Variants in MYO18B observed in about 807,000 individuals in gnomAD.
MYO18B encodes the protein unconventional myosin-XVIIIb.
MYO18B carries 204 observed loss-of-function variants against 273.0 expected under a neutral mutation model. That is an observed-to-expected ratio of 0.75 (90% CI 0.67 to 0.84). The LOEUF (loss-of-function observed/expected upper bound fraction) is 0.84. MYO18B is among the 40% of genes least tolerant of loss of function. The probability of loss-of-function intolerance (pLI) is 0.00; values close to 1 mark genes in which losing one functional copy is unlikely to be tolerated. For missense variants in MYO18B, 3,212 were observed against 3,287.6 expected, an observed-to-expected ratio of 0.98 and a Z score of 0.56; for synonymous variants, 1,330 against 1,305.7, an observed-to-expected ratio of 1.02 and a Z score of -0.40.
the MYO18B span, among the ~76,000 whole-genome samples, chr22:26,050,254 A>T: frequency 6.6e-6 from 1 of 152,192 alleles, no homozygotes; most frequent in African/African-American, 2.4e-5. Flanking sequence ...AGACTCACAG[A>T]TGCACTGACA....
intron 40 of MYO18B, among the ~76,000 whole-genome samples, chr22:25,992,982 G>A (rs2093285786): frequency 6.6e-6 from 1 of 152,194 alleles, no homozygotes; most frequent in South Asian, 2.1e-4. Context: ...CTATGTAAGT[G>A]GAAGCTATGT....
chr22:25,951,398 G>C (rs570813220), intron 37 of MYO18B, among the ~76,000 whole-genome samples: 1 of 150,066 alleles, frequency 6.7e-6, no homozygotes, highest in East Asian at 1.9e-4. Context: ...CCAGTCCTTA[G>C]ACAGACACAT....
rs561508989 is a variant in MYO18B at position 26,010,344 on chromosome 22, C to T, written c.6470+5489C>T. ...TTCAGTGGCTCCTCATTGCCTACAG[C>T]AGGGGTCCCAGAGTGCAGGTTGAGG... On this transcript the variant is annotated intron_variant, in intron 42 of 43. Coordinates refer to ENST00000335473, the MANE Select transcript of MYO18B (RefSeq NM_032608.7). Among the ~76,000 whole-genome samples the T allele has an allele frequency of 2.0e-5, 3 of 152,236 alleles. No individual in the cohort carries two copies. The South Asian group carries it at 6.2e-4, about 32-fold the overall frequency.
chr22:25,796,910 A>G (rs543152508), intron 11 of MYO18B, among the ~76,000 whole-genome samples: 1 of 152,092 alleles, frequency 6.6e-6, no homozygotes, highest in African/African-American at 2.4e-5. Context: ...TCTTCTCCCC[A>G]TCTCTATCTG....
At chr22:26,060,584 C>T in the MYO18B span, among the ~76,000 whole-genome samples, 2 of 152,170 alleles carry the variant, frequency 1.3e-5, no homozygotes, top group Admixed American at 6.5e-5. Flanking sequence ...CACACATACA[C>T]ACGTATACAC....
intron 33 of MYO18B, among the ~76,000 whole-genome samples, chr22:25,918,424 A>G (rs1004002470): frequency 6.6e-6 from 1 of 152,230 alleles, no homozygotes; most frequent in Non-Finnish European, 1.5e-5. Flanking sequence ...TTAGTTAATT[A>G]TTCACCATCT....
chr22:25,762,722 T>C (rs117620924), intron 2 of MYO18B, among the ~76,000 whole-genome samples: 1 of 152,410 alleles, frequency 6.6e-6, no homozygotes, highest in East Asian at 1.9e-4. Context: ...CAGGTCCTTA[T>C]ATAAGTCATG....
At chr22:26,022,668 C>G (rs1367415776) in intron 42 of MYO18B, among the ~76,000 whole-genome samples, 1 of 152,190 alleles carries the variant, frequency 6.6e-6, no homozygotes, top group Non-Finnish European at 1.5e-5. Context: ...GCTTGTATTC[C>G]TGTTTTAAGC....
chr22:25,866,960 G>C (rs905836974), intron 21 of MYO18B, among the ~76,000 whole-genome samples: 1 of 151,994 alleles, frequency 6.6e-6, no homozygotes, highest in African/African-American at 2.4e-5. Context: ...AGCATAGAGC[G>C]GGGAGGCTAT....
intron 40 of MYO18B, among the ~76,000 whole-genome samples, chr22:26,000,234 A>C (rs1933823847): frequency 6.6e-6 from 1 of 152,158 alleles, no homozygotes; most frequent in Non-Finnish European, 1.5e-5. Flanking sequence ...ATGTGTTTCA[A>C]ACGTCCTCCT....
At chr22:25,975,951 A>G (rs1001027081) in intron 39 of MYO18B, among the ~76,000 whole-genome samples, 1 of 152,192 alleles carries the variant, frequency 6.6e-6, no homozygotes, top group African/African-American at 2.4e-5. Context: ...CCTAGATTCA[A>G]ATTCACATCT....
At chr22:25,988,449 G>A (rs1033358319) in intron 39 of MYO18B, among the ~76,000 whole-genome samples, 5 of 152,108 alleles carry the variant, frequency 3.3e-5, no homozygotes, top group Admixed American at 6.5e-5. Flanking sequence ...GAGGGTGGAA[G>A]GTAGTGGCAG....
intron 11 of MYO18B, among the ~76,000 whole-genome samples, chr22:25,792,503 T>TTTTTC (rs2087719901): frequency 7.6e-6 from 1 of 132,160 alleles, no homozygotes; most frequent in African/African-American, 2.8e-5. Context: ...TTTTCTTTTT[T>TTTTTC]TTTTTTTTTT....
At chr22:25,898,614 T>C in intron 29 of MYO18B, 153 bp downstream of exon 29, 3 of 754,896 alleles carry the variant, frequency 4.0e-6, no homozygotes, top group Non-Finnish European at 4.2e-6. Context: ...CTTATTCCTG[T>C]ATGGTTCTCC....
intron 21 of MYO18B, among the ~76,000 whole-genome samples, chr22:25,859,080 C>CA (rs756962789): frequency 4.6e-5 from 7 of 152,032 alleles, no homozygotes; most frequent in Non-Finnish European, 7.4e-5. Flanking sequence ...TTCATATACA[C>CA]AGAGTAAATA....
chr22:26,063,097 C>G, the MYO18B span, among the ~76,000 whole-genome samples: 4 of 152,246 alleles, frequency 2.6e-5, no homozygotes, highest in African/African-American at 7.2e-5. Flanking sequence ...GCTGTTACAC[C>G]GTTCCAACAC....
At chr22:25,816,378 G>A (rs2089005675) in intron 12 of MYO18B, among the ~76,000 whole-genome samples, 2 of 151,844 alleles carry the variant, frequency 1.3e-5, no homozygotes, top group African/African-American at 4.8e-5. Context: ...TAAGTTCTAG[G>A]GTACAGGTGC....
chr22:25,771,995 G>A (rs1174167970), intron 6 of MYO18B, among the ~76,000 whole-genome samples: 1 of 152,210 alleles, frequency 6.6e-6, no homozygotes, highest in Non-Finnish European at 1.5e-5. Flanking sequence ...ACACACTGGA[G>A]CATCACCTGT....
At chr22:25,907,367 G>T (rs1242230914) in intron 31 of MYO18B, among the ~76,000 whole-genome samples, 1 of 152,234 alleles carries the variant, frequency 6.6e-6, no homozygotes, top group Non-Finnish European at 1.5e-5. Flanking sequence ...TTGTTTGAAA[G>T]ACCCAGCTCA....
Sources: gnomAD v4.1 joint callset for allele counts (sites outside exome capture counted in the v4.1 genomes callset) on GRCh38, gnomAD v4.1.1 for gene constraint, MANE v1.5 for transcripts, NCBI Gene and HGNC (gene_info 2026-07-23, HGNC 2026-07-21) for gene names.